Variants in GRID2 observed in about 807,000 individuals in gnomAD.
The protein encoded by GRID2 is glutamate receptor ionotropic, delta-2.
A neutral mutation model predicts 114.8 loss-of-function variants in GRID2; 33 were observed. The ratio of observed to expected loss-of-function variants is 0.29; its 90% CI spans 0.22 to 0.38. The LOEUF (loss-of-function observed/expected upper bound fraction) is 0.38. Ranked by LOEUF, GRID2 falls within the 10% of genes least tolerant of loss-of-function variation. The pLI, the probability that GRID2 is intolerant of heterozygous loss-of-function variation, is 1.00. For missense variants in GRID2, 1,184 were observed against 1,257.7 expected, an observed-to-expected ratio of 0.94 and a Z score of 0.89; for synonymous variants, 505 against 449.9, an observed-to-expected ratio of 1.12 and a Z score of -1.55.
intron 8 of GRID2, among the ~76,000 whole-genome samples, chr4:93,270,607 T>A (rs1751346838): frequency 6.6e-6 from 1 of 152,040 alleles, no homozygotes; most frequent in African/African-American, 2.4e-5. Flanking sequence ...ATGTATTTTC[T>A]TCTTCTTGTT....
At chr4:92,482,653 G>C (rs1172903540) in intron 1 of GRID2, among the ~76,000 whole-genome samples, 7 of 151,992 alleles carry the variant, frequency 4.6e-5, no homozygotes, top group Non-Finnish European at 1.5e-5. Flanking sequence ...GAGCCTATTT[G>C]TTAATTTGGT....
At chr4:93,416,864 A>T (rs1443347216) in intron 9 of GRID2, among the ~76,000 whole-genome samples, 1 of 152,114 alleles carries the variant, frequency 6.6e-6, no homozygotes, top group Non-Finnish European at 1.5e-5. Flanking sequence ...CCTTTTCTAC[A>T]AGCAGGTCTG....
intron 3 of GRID2, among the ~76,000 whole-genome samples, chr4:93,099,574 G>A (rs1490772267): frequency 6.6e-6 from 1 of 151,660 alleles, no homozygotes; most frequent in East Asian, 1.9e-4. Flanking sequence ...GGGTAGATAT[G>A]TACACTTTTT....
At chr4:93,623,839 C>T (rs1378419316) in intron 13 of GRID2, among the ~76,000 whole-genome samples, 1 of 152,116 alleles carries the variant, frequency 6.6e-6, no homozygotes, top group Admixed American at 6.5e-5. Flanking sequence ...AATTTCATTA[C>T]TATTCTTGTC....
intron 4 of GRID2, among the ~76,000 whole-genome samples, chr4:93,195,110 A>G (rs1245011045): frequency 6.6e-6 from 1 of 152,178 alleles, no homozygotes; most frequent in Non-Finnish European, 1.5e-5. Context: ...TACTTCTTAC[A>G]AGTATCTTTA....
intron 1 of GRID2, among the ~76,000 whole-genome samples, chr4:93,780,676 G>C (rs1324896429): frequency 2.0e-5 from 3 of 152,196 alleles, no homozygotes; most frequent in African/African-American, 7.2e-5. Context: ...AGTGCCAGCT[G>C]CTGGTCCTTG....
At position 93,348,075 on chromosome 4, in the gene GRID2, A is replaced by G. The variant is rs541519947; in HGVS notation, c.1246-47532A>G. On this transcript the variant is annotated intron_variant, in intron 8 of 15. Transcript: ENST00000282020. ...GAAAATTGGATACTTACTTTGATTA[A>G]CATTTCTGTAATGGCACAAAGATTT... Among the ~76,000 whole-genome samples, 35 of 152,268 alleles carry G rather than the reference A, an allele frequency of 2.3e-4. No homozygotes were observed. The South Asian group carries it at 7.3e-3, about 32-fold the overall frequency.
intron 10 of GRID2, among the ~76,000 whole-genome samples, chr4:93,451,393 A>C (rs1032309974): frequency 2.0e-5 from 3 of 152,132 alleles, no homozygotes; most frequent in Non-Finnish European, 4.4e-5. Context: ...ATGAGTGTTT[A>C]CTTGAAGTTT....
intron 13 of GRID2, among the ~76,000 whole-genome samples, chr4:93,560,837 T>C (rs1355254097): frequency 6.6e-6 from 1 of 152,174 alleles, no homozygotes; most frequent in Admixed American, 6.5e-5. Flanking sequence ...AAAATTGTTT[T>C]CTTTAGATAT....
At chr4:92,765,145 C>T (rs1003831007) in intron 2 of GRID2, among the ~76,000 whole-genome samples, 5 of 152,150 alleles carry the variant, frequency 3.3e-5, no homozygotes, top group African/African-American at 4.8e-5. Flanking sequence ...CACCTGCTCA[C>T]ACTTTCAATT....
intron 1 of GRID2, among the ~76,000 whole-genome samples, chr4:92,538,499 G>A (rs1483873287): frequency 6.6e-6 from 1 of 152,166 alleles, no homozygotes; most frequent in Non-Finnish European, 1.5e-5. Flanking sequence ...TGAGTCTCAT[G>A]AGAAAGTATG....
chr4:93,696,367 T>C (rs1727020655), intron 14 of GRID2, among the ~76,000 whole-genome samples: 1 of 152,200 alleles, frequency 6.6e-6, no homozygotes, highest in African/African-American at 2.4e-5. Flanking sequence ...TTTAACACTT[T>C]TAAAACTTAT....
At chr4:92,759,647 C>T (rs2149344361) in intron 2 of GRID2, among the ~76,000 whole-genome samples, 1 of 152,064 alleles carries the variant, frequency 6.6e-6, no homozygotes, top group Non-Finnish European at 1.5e-5. Context: ...TTTTGTTGCC[C>T]AGGCTGGAGT....
At chr4:93,460,502 C>G (rs1284335451) in intron 11 of GRID2, among the ~76,000 whole-genome samples, 1 of 152,156 alleles carries the variant, frequency 6.6e-6, no homozygotes, top group Non-Finnish European at 1.5e-5. Flanking sequence ...TTCAAGAAGT[C>G]TTTCCTGGGA....
chr4:93,428,377 A>C lies in GRID2; in HGVS notation c.1545+5409A>C, dbSNP rs199562360. Among the ~76,000 whole-genome samples the C allele has an allele frequency of 2.0e-5, 3 of 152,144 alleles. No homozygotes were observed. In the East Asian group the frequency reaches 5.8e-4, roughly 29 times the overall value. ...CCATGGATATCTAAATTATTTTTTT[A>C]AAAGGCTCTATCCATAACATTGTAA... On this transcript the variant is annotated intron_variant, in intron 10 of 15. Transcript: ENST00000282020.
At chr4:93,723,963 A>G (rs976013992) in intron 14 of GRID2, among the ~76,000 whole-genome samples, 3 of 152,194 alleles carry the variant, frequency 2.0e-5, no homozygotes, top group Admixed American at 6.5e-5. Context: ...CGAACATACT[A>G]TCACCACTTC....
Position 93,422,755 on chromosome 4 carries a change from T to C in GRID2, c.1348-16T>C, listed in dbSNP as rs766242767. ...ACTATAGATTGACATCAGAAATTTC[T>C]CTTATTTCCATGTAGGAAGAACCTT... On this transcript the variant is annotated splice_polypyrimidine_tract_variant and intron_variant, in intron 9 of 15. Transcript: ENST00000282020. 3 of 1,562,950 alleles carry C rather than the reference T, an allele frequency of 1.9e-6. No homozygotes were observed. In the South Asian group the frequency reaches 3.3e-5, roughly 17 times the overall value.
chr4:93,339,054 G>A (rs1759372659), intron 8 of GRID2, among the ~76,000 whole-genome samples: 1 of 152,128 alleles, frequency 6.6e-6, no homozygotes, highest in African/African-American at 2.4e-5. Flanking sequence ...ATGTGGTGAG[G>A]GTCTGAGGCC....
At chr4:92,644,305 A>G (rs1731508637) in intron 2 of GRID2, among the ~76,000 whole-genome samples, 1 of 151,812 alleles carries the variant, frequency 6.6e-6, no homozygotes. Context: ...ATGCATACAT[A>G]TTTCAATTAA....
Sources: gnomAD v4.1 joint callset for allele counts (sites outside exome capture counted in the v4.1 genomes callset) on GRCh38, gnomAD v4.1.1 for gene constraint, MANE v1.5 for transcripts, NCBI Gene and HGNC (gene_info 2026-07-23, HGNC 2026-07-21) for gene names.